Variants in PIK3R2 observed in about 807,000 individuals in gnomAD.
The protein encoded by PIK3R2 is phosphatidylinositol 3-kinase regulatory subunit beta.
PIK3R2 carries 40 observed loss-of-function variants against 78.5 expected under a neutral mutation model. The observed-to-expected ratio is 0.51, with a 90% CI of 0.40 to 0.66. The LOEUF is 0.66. PIK3R2 is among the 30% of genes least tolerant of loss of function. The probability of loss-of-function intolerance (pLI) is 0.00; values close to 1 mark genes in which losing one functional copy is unlikely to be tolerated. For synonymous variants in PIK3R2, 473 were observed against 457.7 expected (o/e 1.03, Z -0.43); for missense variants, 880 against 1,026.6 (o/e 0.86, Z 1.95).
In PIK3R2 at chr19:18,161,073, G is replaced by C; in HGVS notation, c.486G>C (p.Val162=). ...CCGCAGACTGGTCCCTGAGCGACGT[G>C]GATCAGTGGGACACGGCAGCCCTGG... ...APRTDWSLSD[V]DQWDTAALAD... is the part of the protein sequence containing the mutation. The change falls in exon 5 of 16, where the codon GTG becomes GTC. Residue 162 remains valine (V), a synonymous_variant. Transcript: ENST00000222254. The surrounding 1 kb of genome is among the most constrained non-coding windows in gnomAD (Gnocchi z 5.3). 1 of 1,610,430 alleles carries C rather than the reference G, an allele frequency of 6.2e-7. No individual in the cohort carries two copies. Among genetic ancestry groups the C allele is most frequent in the Non-Finnish European group, 8.5e-7 (1 of 1,178,870 alleles).
intron 9 of PIK3R2, 128 bp from the exon 10 acceptor site, chr19:18,162,839 G>T: frequency 1.2e-6 from 1 of 823,822 alleles, no homozygotes; most frequent in Non-Finnish European, 1.9e-6. Context: ...GCAGTGAGCC[G>T]AAATCGCACC....
chr19:18,165,285 AACCTGAGAGGTGGAGGTT>A, intron 11 of PIK3R2, among the ~76,000 whole-genome samples: 2 of 147,124 alleles, frequency 1.4e-5, no homozygotes. Context: ...GAATAGCTTG[AACCTGAGAGGTGGAGGTT>A]GCAGTGAGCC....
chr19:18,164,567 C>G (rs1203954959), intron 11 of PIK3R2, among the ~76,000 whole-genome samples: 1 of 151,932 alleles, frequency 6.6e-6, no homozygotes, highest in Admixed American at 6.6e-5. Flanking sequence ...GGAATAGATT[C>G]AGGTGGAACA....
intron 2 of PIK3R2, among the ~76,000 whole-genome samples, chr19:18,159,403 C>T (rs185712743): frequency 3.3e-5 from 5 of 151,920 alleles, no homozygotes; most frequent in Admixed American, 2.0e-4. Context: ...GCATTCATTC[C>T]TCTCATGCAT....
In PIK3R2 at chr19:18,168,923, C is replaced by T. The variant is rs772195721; in HGVS notation, c.1979+27C>T. The T allele has an allele frequency of 1.9e-6, 3 of 1,600,214 alleles. No homozygotes were observed. Among genetic ancestry groups the T allele is most frequent in the South Asian group, 2.2e-5 (2 of 89,572 alleles). On this transcript the variant is annotated intron_variant, in intron 15 of 15. Transcript: ENST00000222254. The surrounding 1 kb of genome is among the most constrained non-coding windows in gnomAD (Gnocchi z 4.1). ...TGAGTGGACCGCAGCGGTGGGGATT[C>T]CCGCGTCCCTCCCAGAGCTCTCATT...
intron 11 of PIK3R2, 132 bp downstream of exon 11, chr19:18,163,520 C>A (rs894362726): frequency 5.5e-6 from 5 of 909,802 alleles, no homozygotes. Context: ...GCACTTAGCA[C>A]CAAGGGCTGT....
chr19:18,162,194 TC>T lies in PIK3R2; in HGVS notation c.902-3del. 2.0e-6 allele frequency: 3 copies of T among 1,506,090 alleles called. No individual in the cohort carries two copies. The highest frequency in any genetic ancestry group is 2.8e-6 in the Non-Finnish European group (3 of 1,084,748). The allele number at this position is 1,506,090 out of a possible 1,614,324, so 93.3% of individuals were successfully genotyped here. A position where few individuals can be genotyped will look rare whatever the true frequency, so the allele number is the denominator to read the frequency against. ...TGCTCAGGATGCATTTGTTTTCCTG[TC>T]CCCCAGCGCTGCCGCCTAAACCCCC... On this transcript the variant is annotated splice_region_variant and splice_polypyrimidine_tract_variant and intron_variant, in intron 7 of 15. Transcript: ENST00000222254.
At position 18,169,724 on chromosome 19, in the gene PIK3R2, A is replaced by G. The variant is rs1213124122; in HGVS notation, c.*430A>G. 3 of 206,104 alleles carry G rather than the reference A, an allele frequency of 1.5e-5. No homozygotes were observed. The highest frequency in any genetic ancestry group is 1.9e-4 in the South Asian group (1 of 5,338). The allele number at this position is 206,104 out of a possible 1,614,324, so 12.8% of individuals were successfully genotyped here. On this transcript the variant is annotated 3_prime_UTR_variant, in exon 16 of 16. Coordinates refer to ENST00000222254, the MANE Select transcript of PIK3R2 (RefSeq NM_005027.4). Reference sequence around the variant, plus strand: ...GCCTGGGCACCCTGATTTTTAAGCCATAGACCTGGGGTCAGGGCAGGAAGG... The same window carrying G: ...GCCTGGGCACCCTGATTTTTAAGCCGTAGACCTGGGGTCAGGGCAGGAAGG...
intron 11 of PIK3R2, among the ~76,000 whole-genome samples, chr19:18,165,885 G>A (rs2147956144): frequency 6.6e-6 from 1 of 152,234 alleles, no homozygotes; most frequent in African/African-American, 2.4e-5. Context: ...CCTGTGAGCT[G>A]TAGCAACTAG....
intron 2 of PIK3R2, among the ~76,000 whole-genome samples, chr19:18,158,081 T>A (rs995090828): frequency 6.6e-6 from 1 of 152,260 alleles, no homozygotes; most frequent in Non-Finnish European, 1.5e-5. Context: ...AATAATTTTT[T>A]AGAAGCAAAA....
In PIK3R2 at chr19:18,167,322, A is replaced by G. The variant is rs755257890; in HGVS notation, c.1736+16A>G. 3 of 1,550,484 alleles carry G rather than the reference A, an allele frequency of 1.9e-6. No homozygotes were observed. The highest frequency in any genetic ancestry group is 4.9e-5 in the East Asian group (2 of 40,880). The stretch of plus-strand genomic sequence containing the variant: ...AGTACCTCGTGTAAGTGGCGGCTCC[A>G]TACTTCCCTGCGGCTCCCTGGCGAC... On this transcript the variant is annotated intron_variant, in intron 13 of 15. Coordinates refer to ENST00000222254, the MANE Select transcript of PIK3R2 (RefSeq NM_005027.4). This position sits in a 1 kb window ranked among gnomAD's most constrained non-coding sequence, Gnocchi z 4.5.
In PIK3R2 at chr19:18,170,521, A is replaced by G. The variant is rs557862961; in HGVS notation, c.*1227A>G. 6.6e-6 allele frequency: 1 copy of G among 152,138 alleles called. No individual in the cohort carries two copies. Among genetic ancestry groups the G allele is most frequent in the South Asian group, 2.1e-4 (1 of 4,806 alleles). The allele number at this position is 152,138 out of a possible 1,614,324, so 9.4% of individuals were successfully genotyped here. On this transcript the variant is annotated 3_prime_UTR_variant, in exon 16 of 16. Transcript: ENST00000222254. ...TACGTTGTTATTGATATGATATAAA[A>G]CATCAAACGTCGTGGGTGATTCTGT... is the stretch of plus-strand genomic sequence containing the variant.
intron 9 of PIK3R2, 45 bp from the exon 10 acceptor site, chr19:18,162,922 A>G (rs2147952653): frequency 6.4e-7 from 1 of 1,564,350 alleles, no homozygotes; most frequent in East Asian, 2.3e-5. Flanking sequence ...ATTGAGGGTC[A>G]GGTGCGGGGT....
At position 18,161,107 on chromosome 19, in the gene PIK3R2, A is replaced by C; in HGVS notation, c.520A>C (p.Ile174Leu). 6.3e-7 allele frequency: 1 copy of C among 1,599,472 alleles called. No homozygotes were observed. Among genetic ancestry groups the C allele is most frequent in the Non-Finnish European group, 8.5e-7 (1 of 1,173,902 alleles). The change falls in exon 5 of 16, where the codon ATT becomes CTT. Residue 174 changes from isoleucine (I) to leucine (L), a missense_variant. Coordinates refer to ENST00000222254, the MANE Select transcript of PIK3R2 (RefSeq NM_005027.4). This position sits in a 1 kb window ranked among gnomAD's most constrained non-coding sequence, Gnocchi z 5.3. ...GGACACGGCAGCCCTGGCTGACGGC[A>C]TTAAGAGCTTCCTGCTGGCACTGCC... Reference protein sequence around the residue: ...QWDTAALADGIKSFLLALPAP... With the variant: ...QWDTAALADGLKSFLLALPAP...
Position 18,161,058 on chromosome 19 carries a change from G to C in PIK3R2, c.471G>C (p.Trp157Cys). The C allele has an allele frequency of 6.2e-7, 1 of 1,611,256 alleles. No individual in the cohort carries two copies. Among genetic ancestry groups the C allele is most frequent in the Non-Finnish European group, 8.5e-7 (1 of 1,179,188 alleles). ...RPELPAPRTD[W>C]SLSDVDQWDT... is the part of the protein sequence containing the mutation. Reference sequence around the variant, plus strand: ...TGTGCCCCCCTGCACCCGCAGACTGGTCCCTGAGCGACGTGGATCAGTGGG... The same window carrying C: ...TGTGCCCCCCTGCACCCGCAGACTGCTCCCTGAGCGACGTGGATCAGTGGG... The change falls in exon 5 of 16, where the codon TGG (tryptophan) becomes TGC (cysteine). Residue 157 changes from tryptophan to cysteine, a missense_variant. By Grantham distance (215) the Trp-to-Cys change is radical. Transcript: ENST00000222254. This position sits in a 1 kb window ranked among gnomAD's most constrained non-coding sequence, Gnocchi z 5.3.
Position 18,167,387 on chromosome 19 carries a change from C to T in PIK3R2, c.1736+81C>T. On this transcript the variant is annotated intron_variant, in intron 13 of 15. Coordinates refer to ENST00000222254, the MANE Select transcript of PIK3R2 (RefSeq NM_005027.4). The surrounding 1 kb of genome is among the most constrained non-coding windows in gnomAD (Gnocchi z 4.5). ...GAGATCTCTCTAGGAGTCTCAGTCT[C>T]TCTCTCTCCACCAAGTGGCCCTTCC... The T allele has an allele frequency of 8.0e-7, 1 of 1,248,346 alleles. No homozygotes were observed. The highest frequency in any genetic ancestry group is 1.1e-6 in the Non-Finnish European group (1 of 925,728). 77.3% of individuals were successfully genotyped at this position (1,248,346 alleles called of 1,614,324 possible). A position where few individuals can be genotyped will look rare whatever the true frequency, so the allele number is the denominator to read the frequency against.
In PIK3R2 at chr19:18,161,878, C is replaced by T; in HGVS notation, c.816-88C>T. 1 of 1,071,488 alleles carries T rather than the reference C, an allele frequency of 9.3e-7. No homozygotes were observed. The highest frequency in any genetic ancestry group is 1.7e-5 in the Admixed American group (1 of 57,768). 66.4% of individuals were successfully genotyped at this position (1,071,488 alleles called of 1,614,324 possible). A position where few individuals can be genotyped will look rare whatever the true frequency, so the allele number is the denominator to read the frequency against. ...GCACATACTGTCTCGTATATACCCC[C>T]AGGCGTGCAAGCGCACGCACAATCC... is the stretch of plus-strand genomic sequence containing the variant. On this transcript the variant is annotated intron_variant, in intron 6 of 15. Coordinates refer to ENST00000222254, the MANE Select transcript of PIK3R2 (RefSeq NM_005027.4). The surrounding 1 kb of genome is among the most constrained non-coding windows in gnomAD (Gnocchi z 5.3).
rs146156161 is a variant in PIK3R2 at position 18,166,197 on chromosome 19, A to T, written c.1454A>T (p.Asn485Ile). ...AAGCGTACTGCAATTGAGGCCTTCA[A>T]TGAGACTATCAAGATCTTTGAAGAG... Reference protein sequence around the residue: ...QMKRTAIEAFNETIKIFEEQG... With the variant: ...QMKRTAIEAFIETIKIFEEQG... The change falls in exon 12 of 16, where the codon AAT becomes ATT. Residue 485 changes from asparagine to isoleucine, a missense_variant. Physicochemically the swap from Asn to Ile is moderately radical, Grantham distance 149. Transcript: ENST00000222254. 1 of 1,613,984 alleles carries T rather than the reference A, an allele frequency of 6.2e-7. No individual in the cohort carries two copies.
At chr19:18,155,051 TA>T (rs1363106222) in intron 1 of PIK3R2, among the ~76,000 whole-genome samples, 1 of 151,808 alleles carries the variant, frequency 6.6e-6, no homozygotes, top group Non-Finnish European at 1.5e-5. Context: ...TCGTCTCTAC[TA>T]AAAATACAAA....
Sources: gnomAD v4.1 joint callset for allele counts (sites outside exome capture counted in the v4.1 genomes callset) on GRCh38, gnomAD v4.1.1 for gene constraint, Gnocchi (gnomAD v3.1) non-coding constraint, MANE v1.5 for transcripts, NCBI Gene and HGNC (gene_info 2026-07-23, HGNC 2026-07-21) for gene names.